The following TRPM3 variants were observed in gnomAD, a reference collection of about 807,000 sequenced individuals.
TRPM3 encodes long transient receptor potential channel 3.
Under a neutral mutation model 181.2 loss-of-function variants are expected in TRPM3, and 77 were observed. That is an observed-to-expected ratio of 0.42 (90% CI 0.35 to 0.51). TRPM3 has a LOEUF of 0.51. TRPM3 is among the 20% of genes least tolerant of loss of function. TRPM3 has a pLI of 0.01. For missense variants in TRPM3, 1,759 were observed against 2,196.7 expected (o/e 0.80, Z 3.98); for synonymous variants, 745 against 796.4 (o/e 0.94, Z 1.09).
intron 1 of TRPM3, among the ~76,000 whole-genome samples, chr9:71,144,034 T>C (rs2075276952): frequency 6.6e-6 from 1 of 152,182 alleles, no homozygotes; most frequent in South Asian, 2.1e-4. Flanking sequence ...TAAAAAGATA[T>C]ATTCCAAGCA....
chr9:71,302,222 AG>A (rs2086845862), intron 1 of TRPM3, among the ~76,000 whole-genome samples: 1 of 152,192 alleles, frequency 6.6e-6, no homozygotes, highest in African/African-American at 2.4e-5. Flanking sequence ...ACAGAATAAA[AG>A]TTATTGCAAA....
At chr9:70,930,081 G>C (rs2096760531) in intron 1 of TRPM3, among the ~76,000 whole-genome samples, 1 of 152,178 alleles carries the variant, frequency 6.6e-6, no homozygotes, top group African/African-American at 2.4e-5. Context: ...TCGGGTGCAA[G>C]GTTTTGAGCT....
chr9:70,699,776 T>G (rs772279596), intron 8 of TRPM3, among the ~76,000 whole-genome samples: 1 of 152,144 alleles, frequency 6.6e-6, no homozygotes, highest in Admixed American at 6.5e-5. Context: ...TCAGGGAAGC[T>G]GCACCAGGCT....
In TRPM3 at chr9:70,737,895, A is replaced by T. The variant is rs140044698; in HGVS notation, c.1272+23706T>A. On this transcript the variant is annotated intron_variant, in intron 8 of 25. Coordinates refer to ENST00000677713, the MANE Select transcript of TRPM3 (RefSeq NM_001366145.2). ...AAAACAATTACTACTAGACCTAAGA[A>T]ATGAGATAGACAGCAACACAATAAT... 2.6e-3 allele frequency among the ~76,000 whole-genome samples: 392 copies of T among 152,312 alleles called. 3 individuals carry two copies. Among genetic ancestry groups the T allele is most frequent in the African/African-American group, 8.8e-3 (365 of 41,576 alleles).
intron 1 of TRPM3, among the ~76,000 whole-genome samples, chr9:70,992,970 C>A (rs1182021204): frequency 6.6e-6 from 1 of 152,076 alleles, no homozygotes; most frequent in South Asian, 2.1e-4. Flanking sequence ...GATAGGAGAA[C>A]TCTAGGCAGA....
At chr9:70,755,610 G>A (rs1167767582) in intron 8 of TRPM3, among the ~76,000 whole-genome samples, 5 of 151,910 alleles carry the variant, frequency 3.3e-5, no homozygotes, top group South Asian at 2.1e-4. Context: ...CAGGTGATCC[G>A]CCTGCCTCGG....
chr9:71,423,908 T>C (rs1458139206), intron 1 of TRPM3, among the ~76,000 whole-genome samples: 1 of 152,058 alleles, frequency 6.6e-6, no homozygotes, highest in African/African-American at 2.4e-5. Flanking sequence ...TTTCATCTGC[T>C]TTTCTTCCAA....
At chr9:70,971,227 T>C (rs532611752) in intron 1 of TRPM3, among the ~76,000 whole-genome samples, 119 of 152,318 alleles carry the variant, frequency 7.8e-4, no homozygotes, top group African/African-American at 2.8e-3. Flanking sequence ...TAACCACTGG[T>C]TTCTTTTCCC....
intron 6 of TRPM3, among the ~76,000 whole-genome samples, chr9:70,821,248 A>G (rs2093141472): frequency 6.6e-6 from 1 of 152,228 alleles, no homozygotes; most frequent in Non-Finnish European, 1.5e-5. Flanking sequence ...GTACTGAAAT[A>G]TTTATAAAGG....
chr9:71,146,750 A>G (rs2075429593), intron 1 of TRPM3, among the ~76,000 whole-genome samples: 1 of 152,162 alleles, frequency 6.6e-6, no homozygotes, highest in Non-Finnish European at 1.5e-5. Flanking sequence ...TTGAACAAAC[A>G]TGCTGCTTCT....
chr9:71,378,059 T>C (rs112440187), intron 1 of TRPM3, among the ~76,000 whole-genome samples: 171 of 152,226 alleles, frequency 1.1e-3, no homozygotes, highest in African/African-American at 3.8e-3. Context: ...ATATTTCTAA[T>C]ACATATTTGT....
chr9:71,159,173 C>T (rs964452808), intron 1 of TRPM3, among the ~76,000 whole-genome samples: 9 of 150,672 alleles, frequency 6.0e-5, no homozygotes, highest in Non-Finnish European at 1.2e-4. Flanking sequence ...ATTGGTTTTA[C>T]GGTGTGTGTG....
At chr9:70,551,112 A>C (rs2046354918) in intron 24 of TRPM3, among the ~76,000 whole-genome samples, 1 of 152,230 alleles carries the variant, frequency 6.6e-6, no homozygotes, top group African/African-American at 2.4e-5. Flanking sequence ...TTTTAACAAA[A>C]ATAAAATACT....
At chr9:70,894,888 A>C (rs564424710) in intron 1 of TRPM3, among the ~76,000 whole-genome samples, 2 of 152,160 alleles carry the variant, frequency 1.3e-5, no homozygotes, top group African/African-American at 4.8e-5. Flanking sequence ...GCGGTGCTGA[A>C]GCCCTACTGC....
At chr9:71,156,011 T>C (rs1415927662) in intron 1 of TRPM3, among the ~76,000 whole-genome samples, 1 of 152,128 alleles carries the variant, frequency 6.6e-6, no homozygotes, top group Non-Finnish European at 1.5e-5. Context: ...TACATCCAAA[T>C]GTATTTTTAT....
rs2046863411 is a variant in TRPM3, at chr9:70,553,212, A to G, written c.3322T>C (p.Tyr1108His). 2 of 1,614,156 alleles carry G rather than the reference A, an allele frequency of 1.2e-6. No individual in the cohort carries two copies. The highest frequency in any genetic ancestry group is 1.7e-6 in the Non-Finnish European group (2 of 1,180,026). The change falls in exon 23 of 26, where the codon TAC becomes CAC. Residue 1108 changes from tyrosine (Y) to histidine (H), a missense_variant. Transcript: ENST00000677713. ...AWIVPAIMACYLLVANILLVN... is the reference protein window; with the variant it reads ...AWIVPAIMACHLLVANILLVN... ...AGCAAGATGTTTGCCACTAAGAGGTAGCAGGCCATGATGGCCGGCACGATC... is the reference window on the plus strand; with the variant it reads ...AGCAAGATGTTTGCCACTAAGAGGTGGCAGGCCATGATGGCCGGCACGATC...
At chr9:70,827,692 G>T in intron 6 of TRPM3, 155 bp downstream of exon 6, 1 of 832,188 alleles carries the variant, frequency 1.2e-6, no homozygotes, top group Non-Finnish European at 1.8e-6. Context: ...CCTCTGGATG[G>T]CTTCCTCTCA....
At chr9:70,809,334 A>T (rs2091400270) in intron 6 of TRPM3, among the ~76,000 whole-genome samples, 1 of 152,246 alleles carries the variant, frequency 6.6e-6, no homozygotes, top group Non-Finnish European at 1.5e-5. Context: ...GTGTTTATAA[A>T]GTTTACAGTA....
chr9:70,776,044 T>A (rs1221581148), intron 7 of TRPM3: 1 of 166,970 alleles, frequency 6.0e-6, no homozygotes, highest in Non-Finnish European at 1.3e-5. Context: ...GTACGATACA[T>A]CTCCTCAACT....
Sources: gnomAD v4.1 joint callset for allele counts (sites outside exome capture counted in the v4.1 genomes callset) on GRCh38, gnomAD v4.1.1 for gene constraint, MANE v1.5 for transcripts, NCBI Gene and HGNC (gene_info 2026-07-23, HGNC 2026-07-21) for gene names.